CDH4: variants seen among roughly 807,000 people sequenced by gnomAD.
CDH4 encodes the protein cadherin-4.
In CDH4, 33 loss-of-function variants were observed where a neutral mutation model predicts 86.0. That is an observed-to-expected ratio of 0.38 (90% CI 0.29 to 0.51). CDH4 has a LOEUF of 0.51. CDH4 is among the 20% of genes least tolerant of loss of function. CDH4 has a pLI of 0.86. For missense variants in CDH4, 1,114 were observed against 1,307.4 expected (o/e 0.85, Z 2.28); for synonymous variants, 555 against 549.4 (o/e 1.01, Z -0.14).
intron 2 of CDH4, among the ~76,000 whole-genome samples, chr20:61,542,914 A>C (rs984077505): frequency 6.6e-6 from 1 of 152,248 alleles, no homozygotes; most frequent in African/African-American, 2.4e-5. Context: ...AAAAGTAGGG[A>C]AGCCGACAGT....
rs963683672 is a variant in CDH4, at chr20:61,544,993, TG to T, written c.170-198566del. Among the ~76,000 whole-genome samples the T allele has an allele frequency of 6.6e-6, 1 of 152,202 alleles. No individual in the cohort carries two copies. Among genetic ancestry groups the T allele is most frequent in the Non-Finnish European group, 1.5e-5 (1 of 68,032 alleles). On this transcript the variant is annotated intron_variant, in intron 2 of 15. Coordinates refer to ENST00000614565, the MANE Select transcript of CDH4 (RefSeq NM_001794.5). The surrounding 1 kb of genome is among the most constrained non-coding windows in gnomAD (Gnocchi z 6.5). ...GCAAATGACCCTTGAGCAGCCCTAC[TG>T]GGGCCCCGAGTGGACAAACCACAGG...
intron 2 of CDH4, among the ~76,000 whole-genome samples, chr20:61,699,829 G>A (rs1228165933): frequency 2.6e-5 from 4 of 152,096 alleles, no homozygotes; most frequent in East Asian, 3.9e-4. Flanking sequence ...CACACATGTC[G>A]TGACCAGCCT....
intron 7 of CDH4, among the ~76,000 whole-genome samples, chr20:61,878,388 C>A (rs947338876): frequency 1.3e-5 from 2 of 152,220 alleles, no homozygotes; most frequent in Non-Finnish European, 2.9e-5. Flanking sequence ...GGTACAGAGA[C>A]AGTGTTGGGC....
At chr20:61,523,699 C>T (rs754037572) in intron 2 of CDH4, among the ~76,000 whole-genome samples, 22 of 152,208 alleles carry the variant, frequency 1.4e-4, no homozygotes, top group African/African-American at 5.1e-4. Flanking sequence ...CACACGCTTC[C>T]GCCGCCCATT....
chr20:61,741,931 A>T (rs1204516949), intron 2 of CDH4, among the ~76,000 whole-genome samples: 1 of 152,002 alleles, frequency 6.6e-6, no homozygotes, highest in African/African-American at 2.4e-5. Context: ...TTTATTAGGA[A>T]TTTGCTTTTA....
intron 2 of CDH4, among the ~76,000 whole-genome samples, chr20:61,617,136 C>T (rs780554536): frequency 2.0e-5 from 3 of 152,160 alleles, no homozygotes; most frequent in Non-Finnish European, 1.5e-5. Flanking sequence ...TGGCTCCCAC[C>T]GCACCCACCA....
intron 2 of CDH4, among the ~76,000 whole-genome samples, chr20:61,464,356 G>A (rs1019582878): frequency 1.3e-5 from 2 of 151,152 alleles, no homozygotes; most frequent in Admixed American, 6.6e-5. Flanking sequence ...AACATAAAGA[G>A]TGAGTGTTTG....
intron 2 of CDH4, among the ~76,000 whole-genome samples, chr20:61,416,633 T>A (rs2085148588): frequency 6.6e-6 from 1 of 152,184 alleles, no homozygotes; most frequent in Non-Finnish European, 1.5e-5. Context: ...GGTTTTAAAA[T>A]TTTTATTTTG....
chr20:61,780,922 G>A (rs1978505617), intron 4 of CDH4, among the ~76,000 whole-genome samples: 1 of 152,166 alleles, frequency 6.6e-6, no homozygotes, highest in African/African-American at 2.4e-5. Flanking sequence ...CAAAGCAGCT[G>A]GAATGTGAGG....
At chr20:61,814,063 C>T (rs952109703) in intron 4 of CDH4, among the ~76,000 whole-genome samples, 1 of 152,218 alleles carries the variant, frequency 6.6e-6, no homozygotes, top group Admixed American at 6.5e-5. Flanking sequence ...GAGGAGCCCA[C>T]CCCAGGTGCC....
chr20:61,605,806 G>A (rs1215779889), intron 2 of CDH4, among the ~76,000 whole-genome samples: 1 of 151,572 alleles, frequency 6.6e-6, no homozygotes, highest in African/African-American at 2.4e-5. Context: ...CATGAGTGAA[G>A]GTCCTTGCAA....
chr20:61,483,543 AG>A (rs1414100899), intron 2 of CDH4, among the ~76,000 whole-genome samples: 1 of 152,104 alleles, frequency 6.6e-6, no homozygotes, highest in African/African-American at 2.4e-5. Flanking sequence ...TTGGCTGACG[AG>A]ATGTTAGCAA....
chr20:61,439,732 C>A (rs978689683), intron 2 of CDH4, among the ~76,000 whole-genome samples: 1 of 152,254 alleles, frequency 6.6e-6, no homozygotes, highest in African/African-American at 2.4e-5. Context: ...GCATAAGCCC[C>A]TCCCTCTGAT....
intron 2 of CDH4, among the ~76,000 whole-genome samples, chr20:61,383,903 A>T (rs2084936564): frequency 6.6e-6 from 1 of 151,318 alleles, no homozygotes; most frequent in Non-Finnish European, 1.5e-5. Flanking sequence ...GAGTTTATTA[A>T]GTATTAACTC....
At position 61,252,416 on chromosome 20, in the gene CDH4, CG is replaced by C; in HGVS notation, c.-96del. The stretch of plus-strand genomic sequence containing the variant: ...AGGCGCGGGGGAGCGGCGGCGGCGG[CG>C]GCGATCGGAGCGGCGGCGGTGGTCT... On this transcript the variant is annotated 5_prime_UTR_variant, in exon 1 of 16. Transcript: ENST00000614565. The surrounding 1 kb of genome is among the most constrained non-coding windows in gnomAD (Gnocchi z 4.4). 4.3e-6 allele frequency: 2 copies of C among 464,626 alleles called. No individual in the cohort carries two copies. The highest frequency in any genetic ancestry group is 5.6e-6 in the Non-Finnish European group (2 of 359,768). The allele number at this position is 464,626 out of a possible 1,614,324, so 28.8% of individuals were successfully genotyped here. A position where few individuals can be genotyped will look rare whatever the true frequency, so the allele number is the denominator to read the frequency against.
rs1478683388 is a variant in CDH4, at chr20:61,442,536, G to A, written c.169+187599G>A. ...ACATTTCTAACAGGCCCACTCAGAC[G>A]GTTCCAGCCTTCGCTTTGGGGTTCT... is the stretch of plus-strand genomic sequence containing the variant. On this transcript the variant is annotated intron_variant, in intron 2 of 15. Coordinates refer to ENST00000614565, the MANE Select transcript of CDH4 (RefSeq NM_001794.5). 3.9e-5 allele frequency among the ~76,000 whole-genome samples: 6 copies of A among 152,312 alleles called. No homozygotes were observed. In the South Asian group the frequency reaches 1.2e-3, roughly 32 times the overall value.
chr20:61,603,979 G>A (rs931335000), intron 2 of CDH4, among the ~76,000 whole-genome samples: 21 of 152,196 alleles, frequency 1.4e-4, no homozygotes, highest in Non-Finnish European at 2.1e-4. Context: ...AGGGACATAC[G>A]CTGATGCACA....
At chr20:61,591,257 C>T (rs373935242) in intron 2 of CDH4, among the ~76,000 whole-genome samples, 29 of 152,338 alleles carry the variant, frequency 1.9e-4, no homozygotes, top group Admixed American at 4.6e-4. Flanking sequence ...AAAACCCAGA[C>T]ATTTGAAAAG....
chr20:61,521,539 C>A (rs1214552262), intron 2 of CDH4, among the ~76,000 whole-genome samples: 3 of 152,156 alleles, frequency 2.0e-5, no homozygotes, highest in African/African-American at 4.8e-5. Context: ...CTCCAGGGGG[C>A]CGCCAAGAAA....
Sources: gnomAD v4.1 joint callset for allele counts (sites outside exome capture counted in the v4.1 genomes callset) on GRCh38, gnomAD v4.1.1 for gene constraint, Gnocchi (gnomAD v3.1) non-coding constraint, MANE v1.5 for transcripts, NCBI Gene and HGNC (gene_info 2026-07-23, HGNC 2026-07-21) for gene names.